The following CSMD3 variants were observed in gnomAD, a reference collection of about 807,000 sequenced individuals.
CSMD3 encodes CUB and sushi domain-containing protein 3.
CSMD3 carries 177 observed loss-of-function variants against 435.2 expected under a neutral mutation model. That is an observed-to-expected ratio of 0.41 (90% CI 0.36 to 0.46). The LOEUF is 0.46. Among genes scored for constraint, CSMD3 ranks in the 20% least tolerant of loss-of-function variants. The pLI, the probability that CSMD3 is intolerant of heterozygous loss-of-function variation, is 0.34. For missense variants in CSMD3, 4,265 were observed against 4,504.6 expected, an observed-to-expected ratio of 0.95 and a Z score of 1.52; for synonymous variants, 1,656 against 1,520.5, an observed-to-expected ratio of 1.09 and a Z score of -2.07.
At chr8:113,071,677 T>C (rs921589009) in intron 5 of CSMD3, among the ~76,000 whole-genome samples, 5 of 151,834 alleles carry the variant, frequency 3.3e-5, no homozygotes, top group African/African-American at 4.8e-5. Flanking sequence ...TCTGTTTTTA[T>C]GGTAGTTATA....
intron 32 of CSMD3, among the ~76,000 whole-genome samples, chr8:112,461,965 T>A (rs1398735165): frequency 6.6e-6 from 1 of 152,220 alleles, no homozygotes; most frequent in Non-Finnish European, 1.5e-5. Flanking sequence ...AGATTTCACC[T>A]ATTTTTTAAA....
chr8:113,381,384 A>G (rs138096970), intron 1 of CSMD3, among the ~76,000 whole-genome samples: 1 of 152,296 alleles, frequency 6.6e-6, no homozygotes, highest in East Asian at 1.9e-4. Context: ...AAAGGCCTGA[A>G]GTTTATTCTT....
In CSMD3 at chr8:113,316,280, C is replaced by T. The variant is rs544439513; in HGVS notation, c.179-1487G>A. Among the ~76,000 whole-genome samples the T allele has an allele frequency of 5.9e-5, 9 of 152,124 alleles. No individual in the cohort carries two copies. The South Asian group carries it at 1.9e-3, about 32-fold the overall frequency. ...TCAAGCTAATCTGAGGGAGAGAAGT[C>T]GATACTACCAAAAGCATCTATGTTT... On this transcript the variant is annotated intron_variant, in intron 1 of 70. Transcript: ENST00000297405.
At chr8:112,945,500 G>A (rs1475037698) in intron 9 of CSMD3, among the ~76,000 whole-genome samples, 1 of 151,502 alleles carries the variant, frequency 6.6e-6, no homozygotes. Context: ...CCAGCCTAGA[G>A]AGACAAATTG....
intron 27 of CSMD3, among the ~76,000 whole-genome samples, chr8:112,537,152 T>C (rs996040426): frequency 4.6e-5 from 7 of 151,822 alleles, no homozygotes; most frequent in African/African-American, 1.7e-4. Flanking sequence ...ACATGTACCC[T>C]AAAACTTAAA....
At chr8:112,390,952 TG>T (rs1830361705) in intron 35 of CSMD3, among the ~76,000 whole-genome samples, 164 bp from the exon 36 acceptor site, 1 of 152,204 alleles carries the variant, frequency 6.6e-6, no homozygotes, top group African/African-American at 2.4e-5. Flanking sequence ...TTGTATACCA[TG>T]GAAACGATAA....
intron 13 of CSMD3, among the ~76,000 whole-genome samples, chr8:112,702,735 G>A (rs1289605710): frequency 6.6e-6 from 1 of 152,024 alleles, no homozygotes; most frequent in African/African-American, 2.4e-5. Context: ...CAGGAGGGGC[G>A]TGAAGTAGGG....
At chr8:112,479,637 A>G (rs1177706879) in intron 31 of CSMD3, among the ~76,000 whole-genome samples, 1 of 152,194 alleles carries the variant, frequency 6.6e-6, no homozygotes, top group Non-Finnish European at 1.5e-5. Flanking sequence ...GTCCAGGTAC[A>G]GCTCAGGCCA....
intron 1 of CSMD3, among the ~76,000 whole-genome samples, chr8:113,405,334 C>A (rs1382411107): frequency 6.6e-6 from 1 of 151,504 alleles, no homozygotes; most frequent in African/African-American, 2.4e-5. Flanking sequence ...AGTAGGCAGA[C>A]ATGGACAAAT....
chr8:112,363,231 C>G (rs1040543933), intron 38 of CSMD3, among the ~76,000 whole-genome samples: 2 of 151,918 alleles, frequency 1.3e-5, no homozygotes, highest in Non-Finnish European at 1.5e-5. Flanking sequence ...GAAGTGCATG[C>G]ATAATACTTA....
At chr8:113,179,038 G>A (rs1204352873) in intron 3 of CSMD3, among the ~76,000 whole-genome samples, 5 of 151,784 alleles carry the variant, frequency 3.3e-5, no homozygotes, top group Admixed American at 1.3e-4. Context: ...AAGCATGCAT[G>A]ATATAAAGTG....
intron 5 of CSMD3, among the ~76,000 whole-genome samples, chr8:113,058,213 T>A (rs2088437412): frequency 6.6e-6 from 1 of 151,974 alleles, no homozygotes; most frequent in Non-Finnish European, 1.5e-5. Context: ...AGAATTATAA[T>A]CTAACTTTAT....
chr8:112,482,759 G>A (rs572411493), intron 31 of CSMD3, among the ~76,000 whole-genome samples: 2 of 152,148 alleles, frequency 1.3e-5, no homozygotes, highest in Non-Finnish European at 2.9e-5. Context: ...AAAGGGAAAA[G>A]CGCTCTTTAA....
chr8:113,175,744 G>C (rs1189297680), intron 3 of CSMD3, among the ~76,000 whole-genome samples: 1 of 152,004 alleles, frequency 6.6e-6, no homozygotes, highest in Non-Finnish European at 1.5e-5. Flanking sequence ...TCTGAATATA[G>C]TAATAACAAA....
At chr8:112,535,755 T>C (rs1826014145) in intron 27 of CSMD3, among the ~76,000 whole-genome samples, 1 of 152,216 alleles carries the variant, frequency 6.6e-6, no homozygotes. Flanking sequence ...GGTATCATGC[T>C]ACTTGACTTC....
Position 113,033,576 on chromosome 8 carries a change from T to TC in CSMD3, c.918-14398_918-14397insG, listed in dbSNP as rs1260187110. Among the ~76,000 whole-genome samples, 4 of 151,216 alleles carry TC rather than the reference T, an allele frequency of 2.6e-5. No individual in the cohort carries two copies. In the East Asian group the frequency reaches 7.7e-4, roughly 29 times the overall value. On this transcript the variant is annotated intron_variant, in intron 5 of 70. Coordinates refer to ENST00000297405, the MANE Select transcript of CSMD3 (RefSeq NM_198123.2). ...AAGTAACTTTTGATTTTGATTTTTT[T>TC]TTTTTTTTTTGCTTTTGCTTTTGCT...
At chr8:112,982,763 A>T (rs2085100513) in intron 6 of CSMD3, among the ~76,000 whole-genome samples, 1 of 151,986 alleles carries the variant, frequency 6.6e-6, no homozygotes, top group African/African-American at 2.4e-5. Context: ...GGAGAGAATA[A>T]ATTAGTAAAA....
chr8:112,688,605 T>C (rs1042432222), intron 14 of CSMD3, among the ~76,000 whole-genome samples: 1 of 152,116 alleles, frequency 6.6e-6, no homozygotes, highest in Non-Finnish European at 1.5e-5. Context: ...TATTTTCTTG[T>C]AAGTTTTATA....
chr8:112,705,187 G>T (rs117855544), intron 13 of CSMD3, among the ~76,000 whole-genome samples: 1 of 152,094 alleles, frequency 6.6e-6, no homozygotes, highest in Non-Finnish European at 1.5e-5. Flanking sequence ...CGAACTTTCT[G>T]ACCTCTTCTC....
Sources: allele counts gnomAD v4.1 joint callset (sites outside exome capture counted in the v4.1 genomes callset), GRCh38; gene constraint gnomAD v4.1.1; transcripts MANE v1.5; gene names NCBI Gene and HGNC (gene_info 2026-07-23, HGNC 2026-07-21).